The following ERICH2 variants were observed in gnomAD, a reference collection of about 807,000 sequenced individuals.
ERICH2 encodes glutamate rich 2, also known as glutamate-rich protein 2.
A neutral mutation model predicts 17.4 loss-of-function variants in ERICH2; 17 were observed. The ratio of observed to expected loss-of-function variants is 0.98; its 90% confidence interval spans 0.67 to 1.47. ERICH2 has a LOEUF of 1.47. Ranked by LOEUF, ERICH2 falls within the 40% of genes most tolerant of loss-of-function variation. The pLI is 0.00. For missense variants in ERICH2, 186 were observed against 183.2 expected (o/e 1.01, Z -0.09); for synonymous variants, 51 against 61.1 (o/e 0.83, Z 0.77).
At chr2:170,772,008 A>T in the ERICH2 span, among the ~76,000 whole-genome samples, 1 of 152,252 alleles carries the variant, frequency 6.6e-6, no homozygotes, top group Non-Finnish European at 1.5e-5. Context: ...ATGATCCCCA[A>T]ATCCAACTTA....
At chr2:170,777,398 G>A in the ERICH2 span, 1 of 1,166,556 alleles carries the variant, frequency 8.6e-7, no homozygotes, top group Non-Finnish European at 1.1e-6. Context: ...CAAACAGAAT[G>A]GCAGATTGCT....
exon 1 of ERICH2, chr2:170,783,795 T>A: frequency 1.3e-6 from 2 of 1,550,386 alleles, no homozygotes; most frequent in Non-Finnish European, 1.7e-6. Context: ...TGAGTCAGTC[T>A]ACAGGCTAGG....
At chr2:170,788,377 GATAAT>G (rs1018611689) in intron 2 of ERICH2, among the ~76,000 whole-genome samples, 2 of 152,084 alleles carry the variant, frequency 1.3e-5, no homozygotes, top group Non-Finnish European at 2.9e-5. Context: ...TAAAAATTCA[GATAAT>G]ATGAGATTGC....
chr2:170,793,872 T>C (rs1209351554), intron 3 of ERICH2, among the ~76,000 whole-genome samples: 1 of 152,198 alleles, frequency 6.6e-6, no homozygotes, highest in Non-Finnish European at 1.5e-5. Context: ...GCTGAGTTTC[T>C]TAACTCTGTG....
chr2:170,787,147 T>G (rs1451438938), intron 2 of ERICH2, among the ~76,000 whole-genome samples: 4 of 152,142 alleles, frequency 2.6e-5, no homozygotes, highest in African/African-American at 9.7e-5. Flanking sequence ...CTTAAACTCC[T>G]GGGCTCAAGC....
intron 2 of ERICH2, among the ~76,000 whole-genome samples, chr2:170,788,532 C>T (rs1293507708): frequency 1.3e-5 from 2 of 151,814 alleles, no homozygotes; most frequent in African/African-American, 2.4e-5. Flanking sequence ...AGTTCAGTGG[C>T]GTGATCTCGG....
upstream of ERICH2, among the ~76,000 whole-genome samples, chr2:170,781,976 A>T (rs1476642794): frequency 6.6e-6 from 1 of 152,218 alleles, no homozygotes; most frequent in Non-Finnish European, 1.5e-5. Context: ...CATTTATATA[A>T]CTGATTACTT....
At chr2:170,777,481 G>GTCTTCTTACTATT in the ERICH2 span, 2 of 1,159,678 alleles carry the variant, frequency 1.7e-6, no homozygotes, top group Non-Finnish European at 2.2e-6. Flanking sequence ...GTCCTAAATA[G>GTCTTCTTACTATT]TAAGAAGACT....
exon 2 of ERICH2, chr2:170,784,669 A>G: frequency 6.5e-7 from 1 of 1,530,030 alleles, no homozygotes; most frequent in Non-Finnish European, 8.8e-7. Context: ...AGATGCAGTC[A>G]TTGTAAAGCA....
the ERICH2 span, chr2:170,771,055 C>T: frequency 6.6e-6 from 1 of 152,566 alleles, no homozygotes; most frequent in East Asian, 2.0e-4. This position sits in a 1 kb window ranked among gnomAD's most constrained non-coding sequence, Gnocchi z 4.8. Flanking sequence ...CCCGAGCTTC[C>T]TCCACGCGCC....
At chr2:170,784,713 T>C in exon 2 of ERICH2, 2 of 1,546,274 alleles carry the variant, frequency 1.3e-6, no homozygotes, top group Non-Finnish European at 1.7e-6. Flanking sequence ...TTCAGGATAT[T>C]GATGATAAAT....
chr2:170,798,007 T>C (rs767442941), intron 3 of ERICH2, 34 bp from the exon 9 acceptor site: 1 of 1,438,266 alleles, frequency 7.0e-7, no homozygotes, highest in South Asian at 1.2e-5. Context: ...TGAACGTTAA[T>C]AACACACATT....
intron 2 of ERICH2, among the ~76,000 whole-genome samples, chr2:170,790,393 A>T (rs1260904991): frequency 2.0e-5 from 3 of 152,038 alleles, no homozygotes; most frequent in Non-Finnish European, 4.4e-5. Context: ...TTGGGAGGCC[A>T]AGGCAGGCGG....
chr2:170,780,072 T>C (rs1300837366), upstream of ERICH2, among the ~76,000 whole-genome samples: 1 of 152,184 alleles, frequency 6.6e-6, no homozygotes, highest in East Asian at 1.9e-4. Flanking sequence ...AGCATAAATA[T>C]GTTCCAATGG....
At chr2:170,791,064 G>C (rs73021479) in intron 2 of ERICH2, among the ~76,000 whole-genome samples, 1 of 151,890 alleles carries the variant, frequency 6.6e-6, no homozygotes, top group African/African-American at 2.4e-5. Context: ...TTGAAAAAAG[G>C]ATGACATAGA....
At chr2:170,796,791 C>T (rs1701435820) in intron 3 of ERICH2, among the ~76,000 whole-genome samples, 1 of 151,864 alleles carries the variant, frequency 6.6e-6, no homozygotes, top group Non-Finnish European at 1.5e-5. Flanking sequence ...TGTTTCAGTG[C>T]CCCCCTTGGA....
At chr2:170,776,121 G>C in the ERICH2 span, among the ~76,000 whole-genome samples, 1 of 151,972 alleles carries the variant, frequency 6.6e-6, no homozygotes, top group Non-Finnish European at 1.5e-5. Flanking sequence ...AATTTATCCA[G>C]ATATATAAAA....
upstream of ERICH2, among the ~76,000 whole-genome samples, chr2:170,781,251 A>G (rs1470700147): frequency 1.3e-5 from 2 of 152,206 alleles, no homozygotes; most frequent in African/African-American, 2.4e-5. Flanking sequence ...AATACTTTAC[A>G]TCTTTTTATA....
chr2:170,782,599 T>C (rs1701054978), upstream of ERICH2, among the ~76,000 whole-genome samples: 3 of 152,232 alleles, frequency 2.0e-5, no homozygotes, highest in Admixed American at 2.0e-4. Flanking sequence ...TACAGAGTCT[T>C]AAGTCCTGGA....
Sources: gnomAD v4.1 joint callset for allele counts (sites outside exome capture counted in the v4.1 genomes callset) on GRCh38, gnomAD v4.1.1 for gene constraint, Gnocchi (gnomAD v3.1) non-coding constraint, MANE v1.5 for transcripts, NCBI Gene and HGNC (gene_info 2026-07-23, HGNC 2026-07-21) for gene names.